VRK2: variants seen among roughly 807,000 people sequenced by gnomAD.
VRK2 encodes VRK serine/threonine kinase 2.
VRK2 carries 60 observed loss-of-function variants against 57.6 expected under a neutral mutation model. The ratio of observed to expected loss-of-function variants is 1.04; its 90% CI spans 0.85 to 1.29. The LOEUF is 1.29. Ranked by LOEUF, VRK2 falls within the 50% of genes most tolerant of loss-of-function variation. The pLI is 0.00. For synonymous variants in VRK2, 231 were observed against 199.2 expected (o/e 1.16, Z -1.35); for missense variants, 705 against 588.1 (o/e 1.20, Z -2.06).
At chr2:57,951,415 G>C (rs1190560112) in intron 1 of VRK2, among the ~76,000 whole-genome samples, 1 of 152,144 alleles carries the variant, frequency 6.6e-6, no homozygotes, top group East Asian at 1.9e-4. Context: ...TGTGAATATT[G>C]TTGAAATGAC....
chr2:58,123,214 G>A lies in VRK2; in HGVS notation c.657G>A (p.Leu219=), dbSNP rs1677793486. Reference sequence around the variant, plus strand: ...ATGGGACAATAGAGTTTACCAGCTTGGATGCCCACAAGGGAGTAGGTGGGT... The same window carrying A: ...ATGGGACAATAGAGTTTACCAGCTTAGATGCCCACAAGGGAGTAGGTGGGT... The part of the protein sequence containing the change: ...GHNGTIEFTS[L]DAHKGVALSR... Residue 219 remains leucine, a synonymous_variant, in exon 8 of 13, where the codon TTG becomes TTA. Transcript: ENST00000340157. 1.3e-6 allele frequency: 2 copies of A among 1,585,140 alleles called. No individual in the cohort carries two copies. The highest frequency in any genetic ancestry group is 1.7e-6 in the Non-Finnish European group (2 of 1,172,484).
chr2:58,075,922 C>T (rs968046579), intron 2 of VRK2, among the ~76,000 whole-genome samples: 6 of 137,274 alleles, frequency 4.4e-5, no homozygotes, highest in Non-Finnish European at 8.3e-5. Flanking sequence ...AGTTTTTGGG[C>T]ACTGATTTGC....
intron 2 of VRK2, among the ~76,000 whole-genome samples, chr2:58,063,982 CAG>C (rs1383099708): frequency 6.6e-6 from 1 of 152,076 alleles, no homozygotes; most frequent in African/African-American, 2.4e-5. Context: ...ATAGATGTGA[CAG>C]AAATTGCAAG....
intron 3 of VRK2, among the ~76,000 whole-genome samples, chr2:58,041,435 C>T (rs1219257153): frequency 6.6e-6 from 1 of 152,070 alleles, no homozygotes; most frequent in East Asian, 1.9e-4. Context: ...GGTATGCATA[C>T]CCTCTGCCCT....
At chr2:58,119,476 CAAAAAAA>C (rs35693605) in intron 7 of VRK2, among the ~76,000 whole-genome samples, 1 of 87,322 alleles carries the variant, frequency 1.1e-5, no homozygotes, top group African/African-American at 5.3e-5. Flanking sequence ...GACTCCATCT[CAAAAAAA>C]AAAAAAAAAA....
At chr2:58,071,003 A>G (rs1177642000) in intron 2 of VRK2, among the ~76,000 whole-genome samples, 1 of 152,158 alleles carries the variant, frequency 6.6e-6, no homozygotes, top group Non-Finnish European at 1.5e-5. Flanking sequence ...GATTTTAGCC[A>G]TTCTAATAGA....
At chr2:57,928,873 T>C (rs1447169654) in intron 1 of VRK2, among the ~76,000 whole-genome samples, 2 of 152,152 alleles carry the variant, frequency 1.3e-5, no homozygotes, top group Non-Finnish European at 2.9e-5. Context: ...CAGACAGAGA[T>C]TTTTGTTCTC....
intron 7 of VRK2, among the ~76,000 whole-genome samples, chr2:58,094,517 CT>C (rs1216268782): frequency 2.0e-5 from 3 of 152,116 alleles, no homozygotes; most frequent in African/African-American, 7.2e-5. Context: ...ATTTTGTATC[CT>C]GAGACTTTGC....
chr2:58,121,568 G>C (rs887079883), intron 7 of VRK2, among the ~76,000 whole-genome samples: 2 of 152,112 alleles, frequency 1.3e-5, no homozygotes, highest in African/African-American at 4.8e-5. Context: ...AGACAGCCTT[G>C]CAAGTTACTC....
intron 1 of VRK2, among the ~76,000 whole-genome samples, chr2:57,920,046 G>T (rs1157802706): frequency 6.6e-6 from 1 of 152,056 alleles, no homozygotes; most frequent in East Asian, 1.9e-4. Flanking sequence ...CTTTGATTGA[G>T]ATTGATTTTT....
intron 7 of VRK2, among the ~76,000 whole-genome samples, chr2:58,100,785 A>C (rs1006737278): frequency 6.6e-6 from 1 of 151,788 alleles, no homozygotes; most frequent in African/African-American, 2.4e-5. Context: ...AGGTTCTCTC[A>C]GTATTATTTT....
At chr2:57,932,420 A>T (rs1670759773) in intron 1 of VRK2, among the ~76,000 whole-genome samples, 1 of 152,212 alleles carries the variant, frequency 6.6e-6, no homozygotes, top group Middle Eastern at 3.4e-3. Context: ...TATAAAATTC[A>T]TCTTATTGAT....
intron 3 of VRK2, among the ~76,000 whole-genome samples, chr2:58,036,752 G>C (rs1161302003): frequency 6.6e-6 from 1 of 151,916 alleles, no homozygotes; most frequent in Non-Finnish European, 1.5e-5. Flanking sequence ...TCAGCCTCCT[G>C]CTCAAGTCTC....
At chr2:57,947,968 A>G (rs1190704704) in intron 1 of VRK2, among the ~76,000 whole-genome samples, 5 of 151,976 alleles carry the variant, frequency 3.3e-5, no homozygotes, top group Non-Finnish European at 5.9e-5. Flanking sequence ...GCCTCTAAGT[A>G]CTCTCTCCTG....
rs768497359 is a variant in VRK2, at chr2:58,048,923, T to A, written c.92T>A (p.Leu31Gln). The change falls in exon 2 of 13, where the codon CTG becomes CAG. Residue 31 changes from leucine to glutamine, a missense_variant. Coordinates refer to ENST00000340157, the MANE Select transcript of VRK2 (RefSeq NM_006296.7). ...LDDMEGNQWV[L>Q]GKKIGSGGFG... Reference sequence around the variant, plus strand: ...GATATGGAAGGCAATCAGTGGGTACTGGGCAAGAAGATTGGCTCTGGAGGA... The same window carrying A: ...GATATGGAAGGCAATCAGTGGGTACAGGGCAAGAAGATTGGCTCTGGAGGA... 6.2e-7 allele frequency: 1 copy of A among 1,614,016 alleles called. No homozygotes were observed. The highest frequency in any genetic ancestry group is 2.2e-5 in the East Asian group (1 of 44,844).
chr2:58,106,287 C>T (rs1674738137), intron 7 of VRK2, among the ~76,000 whole-genome samples: 1 of 151,940 alleles, frequency 6.6e-6, no homozygotes, highest in Non-Finnish European at 1.5e-5. Context: ...AACTGCTAGC[C>T]TATGAACTAT....
At position 58,084,868 on chromosome 2, in the gene VRK2, CT is replaced by C. The variant is rs560736676; in HGVS notation, c.187-5del. 130 of 1,471,850 alleles carry C rather than the reference CT, an allele frequency of 8.8e-5. No individual in the cohort carries two copies. The highest frequency in any genetic ancestry group is 1.2e-4 in the East Asian group (5 of 40,932). 91.2% of individuals were successfully genotyped at this position (1,471,850 alleles called of 1,614,324 possible). A position where few individuals can be genotyped will look rare whatever the true frequency, so the allele number is the denominator to read the frequency against. On this transcript the variant is annotated splice_polypyrimidine_tract_variant and intron_variant, in intron 3 of 12. Coordinates refer to ENST00000340157, the MANE Select transcript of VRK2 (RefSeq NM_006296.7). ...TTTTTTTCTAGTAAAATTAATTATT[CT>C]TTTTTTTATAGGAATATCAAGAAAA...
intron 7 of VRK2, among the ~76,000 whole-genome samples, chr2:58,098,497 T>C (rs931352871): frequency 6.6e-6 from 1 of 152,112 alleles, no homozygotes; most frequent in Non-Finnish European, 1.5e-5. Context: ...TCAAATCTTT[T>C]ATATGGTACT....
chr2:58,120,330 A>C (rs1271056957), intron 7 of VRK2, among the ~76,000 whole-genome samples: 3 of 151,426 alleles, frequency 2.0e-5, no homozygotes, highest in Non-Finnish European at 2.9e-5. Context: ...AGCTCGGATT[A>C]CAAATGTGCA....
Sources: allele counts gnomAD v4.1 joint callset (sites outside exome capture counted in the v4.1 genomes callset), GRCh38; gene constraint gnomAD v4.1.1; transcripts MANE v1.5; gene names NCBI Gene and HGNC (gene_info 2026-07-23, HGNC 2026-07-21).